Variants in ZFAND1 observed in about 807,000 individuals in gnomAD.
ZFAND1 encodes zinc finger AN1-type containing 1.
A neutral mutation model predicts 38.5 loss-of-function variants in ZFAND1; 40 were observed. The ratio of observed to expected loss-of-function variants is 1.04; its 90% CI spans 0.81 to 1.35. ZFAND1 has a LOEUF of 1.35. Ranked by LOEUF, ZFAND1 falls within the 40% of genes most tolerant of loss-of-function variation. The pLI is 0.00. For missense variants in ZFAND1, 346 were observed against 316.3 expected, an observed-to-expected ratio of 1.09 and a Z score of -0.71; for synonymous variants, 117 against 103.6, an observed-to-expected ratio of 1.13 and a Z score of -0.78.
rs1807857445 is a variant in ZFAND1 at position 81,702,971 on chromosome 8, T to TAG, written c.632_633dup (p.Lys212LeufsTer4). The TAG allele has an allele frequency of 1.3e-6, 2 of 1,509,336 alleles. No homozygotes were observed. The highest frequency in any genetic ancestry group is 2.7e-5 in the South Asian group (2 of 74,990). The allele number at this position is 1,509,336 out of a possible 1,614,324, so 93.5% of individuals were successfully genotyped here. A position where few individuals can be genotyped will look rare whatever the true frequency, so the allele number is the denominator to read the frequency against. ...ATATTATTATAATGAGATGTTACCTTAGCTGTAAATTTGTTATTGTCATTT... is the reference window on the plus strand; with the variant it reads ...ATATTATTATAATGAGATGTTACCTTAGAGCTGTAAATTTGTTATTGTCATTT... On this transcript the variant is annotated frameshift_variant, in exon 7 of 8. Transcript: ENST00000220669. LOFTEE classifies it high-confidence loss of function.
chr8:81,709,702 CATTA>C (rs2130406892), intron 6 of ZFAND1, among the ~76,000 whole-genome samples: 1 of 152,112 alleles, frequency 6.6e-6, no homozygotes, highest in South Asian at 2.1e-4. Flanking sequence ...CACACACAAA[CATTA>C]ATAATAAAGG....
At chr8:81,704,474 G>C (rs1346546841) in intron 6 of ZFAND1, among the ~76,000 whole-genome samples, 3 of 150,192 alleles carry the variant, frequency 2.0e-5, no homozygotes, top group Admixed American at 6.7e-5. Flanking sequence ...AGAAGGTCGA[G>C]GCTGCAATAA....
chr8:81,708,859 G>C, intron 6 of ZFAND1: 1 of 1,164,300 alleles, frequency 8.6e-7, no homozygotes, highest in Non-Finnish European at 1.1e-6. Flanking sequence ...ATATATCTCA[G>C]AAGAGCTGCA....
chr8:81,708,820 G>A (rs555074645), intron 6 of ZFAND1: 2 of 1,262,908 alleles, frequency 1.6e-6, no homozygotes, highest in Non-Finnish European at 2.0e-6. Context: ...CTTCACTCCA[G>A]ATTACTCATC....
At chr8:81,714,695 C>T (rs1048530011) in intron 5 of ZFAND1, 109 bp downstream of exon 5, 39 of 880,154 alleles carry the variant, frequency 4.4e-5, no homozygotes, top group South Asian at 4.3e-4. Context: ...CAAGTTAATA[C>T]GAATACCACT....
intron 3 of ZFAND1, 120 bp downstream of exon 3, chr8:81,717,129 A>C: frequency 1.4e-6 from 1 of 710,634 alleles, no homozygotes; most frequent in South Asian, 2.5e-5. Context: ...TCTTTACCTA[A>C]TCAGTTTAGT....
Position 81,715,101 on chromosome 8 carries a change from T to C in ZFAND1, c.152A>G (p.Asn51Ser), listed in dbSNP as rs758944004. ...ATGTTGATCTGTCTTCAGTCTCTCA[T>C]TGATTACAGTCACCTGAAAATGCAA... is the stretch of plus-strand genomic sequence containing the variant. ...SHGCPEVTVI[N>S]ERLKTDQHTS... The change falls in exon 4 of 8, where the codon AAT (asparagine) becomes AGT (serine). Residue 51 changes from asparagine to serine, a missense_variant. Coordinates refer to ENST00000220669, the MANE Select transcript of ZFAND1 (RefSeq NM_024699.3). 1.9e-6 allele frequency: 3 copies of C among 1,613,700 alleles called. No individual in the cohort carries two copies. The highest frequency in any genetic ancestry group is 2.7e-5 in the African/African-American group (2 of 74,930).
intron 6 of ZFAND1, among the ~76,000 whole-genome samples, chr8:81,713,032 C>A (rs1440232997): frequency 5.3e-5 from 8 of 152,148 alleles, no homozygotes; most frequent in Non-Finnish European, 1.0e-4. Flanking sequence ...CCTAAAGTAG[C>A]ATTTTTTAAA....
rs188067932 is a variant in ZFAND1, at chr8:81,718,641, G to T, written c.56-417C>A. On this transcript the variant is annotated intron_variant, in intron 1 of 7. Coordinates refer to ENST00000220669, the MANE Select transcript of ZFAND1 (RefSeq NM_024699.3). ...CAAGTTACTTAACAGTAAAACTTTG[G>T]ATATATATATTTTTATATATATCCA... is the stretch of plus-strand genomic sequence containing the variant. 3.2e-3 allele frequency among the ~76,000 whole-genome samples: 475 copies of T among 148,862 alleles called. 1 individual carries two copies. Among genetic ancestry groups the T allele is most frequent in the Non-Finnish European group, 5.4e-3 (361 of 67,272 alleles).
At chr8:81,716,895 C>T (rs1296606291) in intron 3 of ZFAND1, among the ~76,000 whole-genome samples, 7 of 151,788 alleles carry the variant, frequency 4.6e-5, no homozygotes, top group Admixed American at 6.6e-5. Flanking sequence ...TGCAGTGAGC[C>T]GAGATCGTAC....
In ZFAND1 at chr8:81,703,039, A is replaced by G. The variant is rs776070552; in HGVS notation, c.566T>C (p.Ile189Thr). 33 of 1,582,084 alleles carry G rather than the reference A, an allele frequency of 2.1e-5. No individual in the cohort carries two copies. ...AGCGGCAAAGTCTATGGCCTTTCCA[A>G]TGCTCCATCGGTGGCAAAAGAACAT... ...KPMFFCHRWS[I>T]GKAIDFAASL... Residue 189 changes from isoleucine to threonine, a missense_variant, in exon 7 of 8, where the codon ATT becomes ACT. By Grantham distance (89) the Ile-to-Thr change is moderately conservative. Transcript: ENST00000220669.
intron 6 of ZFAND1, among the ~76,000 whole-genome samples, chr8:81,703,415 C>T (rs1328837910): frequency 2.3e-5 from 1 of 42,736 alleles, no homozygotes; most frequent in Non-Finnish European, 4.5e-5. Context: ...AGAGCACTCT[C>T]CTTATTTATT....
At chr8:81,721,161 CGCGGAGCCAAA>C in intron 1 of ZFAND1, 55 bp downstream of exon 1, 4 of 1,536,294 alleles carry the variant, frequency 2.6e-6, no homozygotes, top group Admixed American at 2.0e-5. Context: ...CGCCACCATC[CGCGGAGCCAAA>C]GCGGAGCCCT....
intron 6 of ZFAND1, among the ~76,000 whole-genome samples, chr8:81,710,795 G>A (rs1043051189): frequency 3.9e-5 from 6 of 152,128 alleles, no homozygotes; most frequent in Non-Finnish European, 7.4e-5. Context: ...GAAATTCTAT[G>A]TACTTGATAA....
At chr8:81,711,919 A>G (rs1351452152) in intron 6 of ZFAND1, among the ~76,000 whole-genome samples, 1 of 151,938 alleles carries the variant, frequency 6.6e-6, no homozygotes, top group Non-Finnish European at 1.5e-5. Flanking sequence ...CCCACCCTCT[A>G]CAACTACCTC....
chr8:81,713,486 G>C (rs1328931096), intron 6 of ZFAND1, among the ~76,000 whole-genome samples: 1 of 151,834 alleles, frequency 6.6e-6, no homozygotes, highest in African/African-American at 2.4e-5. Flanking sequence ...ACTGTGTTAA[G>C]GTATGTATGT....
At chr8:81,709,009 C>T (rs1271710514) in intron 6 of ZFAND1, among the ~76,000 whole-genome samples, 3 of 152,082 alleles carry the variant, frequency 2.0e-5, no homozygotes, top group South Asian at 2.1e-4. Flanking sequence ...CTAAAATATG[C>T]GTACCATTTG....
rs1351021095 is a variant in ZFAND1 at position 81,702,809 on chromosome 8, C to T, written c.693G>A (p.Leu231=). ...SGEALPLDHT[L]ETWIAKEDCP... is the part of the protein sequence containing the mutation. ...AATCCTCCTTAGCAATCCAGGTTTC[C>T]AAAGTATGATCCAAGGGTAAGGCTT... The change falls in exon 8 of 8, where the codon TTG becomes TTA. Residue 231 remains leucine (L), a synonymous_variant. Transcript: ENST00000220669. The T allele has an allele frequency of 6.2e-7, 1 of 1,608,854 alleles. No individual in the cohort carries two copies. The highest frequency in any genetic ancestry group is 8.5e-7 in the Non-Finnish European group (1 of 1,177,988).
intron 6 of ZFAND1, among the ~76,000 whole-genome samples, 170 bp downstream of exon 6, chr8:81,713,748 G>C (rs747479627): frequency 4.6e-5 from 7 of 152,070 alleles, no homozygotes; most frequent in Non-Finnish European, 8.8e-5. Flanking sequence ...TGTCTATAAA[G>C]TGAAAAAACT....
Sources: gnomAD v4.1 joint callset for allele counts (sites outside exome capture counted in the v4.1 genomes callset) on GRCh38, gnomAD v4.1.1 for gene constraint, MANE v1.5 for transcripts, NCBI Gene and HGNC (gene_info 2026-07-23, HGNC 2026-07-21) for gene names.